The following ARHGAP15 variants were observed in gnomAD, a reference collection of about 807,000 sequenced individuals.
The protein encoded by ARHGAP15 is Rho GTPase activating protein 15.
ARHGAP15 carries 51 observed loss-of-function variants against 63.7 expected under a neutral mutation model. That is an observed-to-expected ratio of 0.80 (90% CI 0.64 to 1.01). ARHGAP15 has a LOEUF of 1.01. Among genes scored for constraint, ARHGAP15 ranks in the 50% least tolerant of loss-of-function variants. The pLI, the probability that ARHGAP15 is intolerant of heterozygous loss-of-function variation, is 0.00. For synonymous variants in ARHGAP15, 191 were observed against 193.8 expected, an observed-to-expected ratio of 0.99 and a Z score of 0.12; for missense variants, 560 against 564.6, an observed-to-expected ratio of 0.99 and a Z score of 0.08.
At position 143,674,706 on chromosome 2, in the gene ARHGAP15, T is replaced by C. The variant is rs12474782; in HGVS notation, c.1139-28713T>C. Among the ~76,000 whole-genome samples, 35 of 152,348 alleles carry C rather than the reference T, an allele frequency of 2.3e-4. No homozygotes were observed. The Middle Eastern group carries it at 0.014, about 59-fold the overall frequency. ...TAAGAGGTACGTTTATACTATACTGTAGTCCATTAAGTATGCAATAGCGTT... is the reference window on the plus strand; with the variant it reads ...TAAGAGGTACGTTTATACTATACTGCAGTCCATTAAGTATGCAATAGCGTT... On this transcript the variant is annotated intron_variant, in intron 12 of 13. Transcript: ENST00000295095.
chr2:143,587,536 T>C (rs946029097), intron 11 of ARHGAP15: 1 of 279,800 alleles, frequency 3.6e-6, no homozygotes, highest in Non-Finnish European at 7.5e-6. Flanking sequence ...ACTTCAAACA[T>C]TACTTTTAAA....
At chr2:143,667,593 A>T (rs1416337013) in intron 12 of ARHGAP15, among the ~76,000 whole-genome samples, 4 of 151,722 alleles carry the variant, frequency 2.6e-5, no homozygotes, top group South Asian at 4.2e-4. Flanking sequence ...AAAAAAAAAA[A>T]AAAAAAAAAA....
chr2:143,355,654 G>A (rs1685776822), intron 6 of ARHGAP15, among the ~76,000 whole-genome samples: 1 of 151,940 alleles, frequency 6.6e-6, no homozygotes, highest in South Asian at 2.1e-4. Context: ...TATCCATCTA[G>A]TAAAGTTGTC....
At chr2:143,343,448 T>A (rs1022323573) in intron 6 of ARHGAP15, among the ~76,000 whole-genome samples, 1 of 152,042 alleles carries the variant, frequency 6.6e-6, no homozygotes, top group Non-Finnish European at 1.5e-5. Context: ...GGACTAAGAA[T>A]GTTTTATATC....
intron 11 of ARHGAP15, among the ~76,000 whole-genome samples, chr2:143,556,740 G>A (rs1186305478): frequency 6.6e-6 from 1 of 151,266 alleles, no homozygotes; most frequent in Non-Finnish European, 1.5e-5. Context: ...TAAAAATGGG[G>A]GAAAGAATAG....
chr2:143,299,240 C>T (rs1682786980), intron 6 of ARHGAP15, among the ~76,000 whole-genome samples: 2 of 152,054 alleles, frequency 1.3e-5, no homozygotes, highest in East Asian at 1.9e-4. Flanking sequence ...TTAAAATCAG[C>T]ATGCAAAATG....
At chr2:143,563,202 C>A (rs1696097003) in intron 11 of ARHGAP15, among the ~76,000 whole-genome samples, 1 of 152,110 alleles carries the variant, frequency 6.6e-6, no homozygotes, top group Non-Finnish European at 1.5e-5. Flanking sequence ...AATGTGAGGA[C>A]TTTAAAAAGT....
intron 6 of ARHGAP15, among the ~76,000 whole-genome samples, chr2:143,354,141 A>G (rs766064006): frequency 1.3e-5 from 2 of 152,172 alleles, no homozygotes; most frequent in Non-Finnish European, 2.9e-5. Context: ...AGAAATTCAC[A>G]TCATCTCCAA....
intron 8 of ARHGAP15, 134 bp from the exon 9 acceptor site, chr2:143,487,236 CTTG>C: frequency 1.0e-6 from 1 of 986,980 alleles, no homozygotes; most frequent in African/African-American, 1.6e-5. Flanking sequence ...ACTCACATGG[CTTG>C]TTGTAGACAG....
chr2:143,424,980 G>C (rs1444212149), intron 6 of ARHGAP15, among the ~76,000 whole-genome samples: 1 of 152,016 alleles, frequency 6.6e-6, no homozygotes, highest in East Asian at 1.9e-4. Context: ...AAATAGGCCT[G>C]GTTTATACCA....
Position 143,624,277 on chromosome 2 carries a change from T to C in ARHGAP15, c.1138+10T>C. On this transcript the variant is annotated intron_variant, in intron 12 of 13. Transcript: ENST00000295095. ...TTTGTGGAAGCGATCAGTAAGTACC[T>C]CACAGAAAAGGGCAGGTGGTAGAAT... The C allele has an allele frequency of 6.2e-7, 1 of 1,606,536 alleles. No homozygotes were observed. The highest frequency in any genetic ancestry group is 8.5e-7 in the Non-Finnish European group (1 of 1,175,192).
chr2:143,326,915 G>C (rs1366499156), intron 6 of ARHGAP15, among the ~76,000 whole-genome samples: 1 of 152,010 alleles, frequency 6.6e-6, no homozygotes, highest in Admixed American at 6.6e-5. Flanking sequence ...TCTGGGCCAG[G>C]GTAATCAGGC....
intron 12 of ARHGAP15, chr2:143,641,304 A>G (rs1680589443): frequency 6.6e-6 from 1 of 152,126 alleles, no homozygotes; most frequent in South Asian, 2.1e-4. Context: ...CAAACTGTGT[A>G]TTCATATAGA....
chr2:143,386,031 A>T (rs1687273924), intron 6 of ARHGAP15, among the ~76,000 whole-genome samples: 1 of 152,130 alleles, frequency 6.6e-6, no homozygotes, highest in Non-Finnish European at 1.5e-5. Context: ...TTCAACTCTA[A>T]TCATTGTCAT....
At position 143,251,985 on chromosome 2, in the gene ARHGAP15, T is replaced by G. The variant is rs78983482; in HGVS notation, c.474+1385T>G. ...CTTATGACAACTTAGATGATCAACATAAGAAGCTCTGAAGTAGACCGGGAA... is the reference window on the plus strand; with the variant it reads ...CTTATGACAACTTAGATGATCAACAGAAGAAGCTCTGAAGTAGACCGGGAA... On this transcript the variant is annotated intron_variant, in intron 6 of 13. Transcript: ENST00000295095. 7.4e-3 allele frequency among the ~76,000 whole-genome samples: 1,129 copies of G among 152,154 alleles called. 14 individuals carry two copies. Among genetic ancestry groups the G allele is most frequent in the African/African-American group, 0.026 (1,080 of 41,550 alleles).
At chr2:143,404,983 C>T (rs150223539) in intron 6 of ARHGAP15, among the ~76,000 whole-genome samples, 12 of 152,016 alleles carry the variant, frequency 7.9e-5, no homozygotes, top group African/African-American at 2.6e-4. Context: ...CCCATATTAT[C>T]AAAATTTACA....
chr2:143,134,934 C>A (rs1014260906), intron 1 of ARHGAP15, among the ~76,000 whole-genome samples: 5 of 151,890 alleles, frequency 3.3e-5, no homozygotes, highest in African/African-American at 1.2e-4. Flanking sequence ...CGCGCCCAGC[C>A]TAAATGCTGT....
chr2:143,140,067 G>A (rs1456578990), intron 1 of ARHGAP15, among the ~76,000 whole-genome samples: 4 of 152,088 alleles, frequency 2.6e-5, no homozygotes, highest in African/African-American at 9.7e-5. Context: ...TGTTTTATCA[G>A]GTCTTGAATC....
chr2:143,286,662 A>C (rs1468301636), intron 6 of ARHGAP15, among the ~76,000 whole-genome samples: 1 of 152,208 alleles, frequency 6.6e-6, no homozygotes, highest in East Asian at 1.9e-4. Flanking sequence ...CTCAGTAACT[A>C]TACAGGAATC....
Sources: gnomAD v4.1 joint callset for allele counts (sites outside exome capture counted in the v4.1 genomes callset) on GRCh38, gnomAD v4.1.1 for gene constraint, MANE v1.5 for transcripts, NCBI Gene and HGNC (gene_info 2026-07-23, HGNC 2026-07-21) for gene names.